The following TANC1 variants were observed in gnomAD, a reference collection of about 807,000 sequenced individuals.
TANC1 encodes the protein protein TANC1.
TANC1 carries 77 observed loss-of-function variants against 149.7 expected under a neutral mutation model. The observed-to-expected ratio is 0.51, with a 90% CI of 0.43 to 0.62. TANC1 has a LOEUF of 0.62. Among genes scored for constraint, TANC1 ranks in the 20% least tolerant of loss-of-function variants. The pLI is 0.00. For synonymous variants in TANC1, 854 were observed against 925.0 expected, an observed-to-expected ratio of 0.92 and a Z score of 1.39; for missense variants, 1,985 against 2,321.8, an observed-to-expected ratio of 0.85 and a Z score of 2.98.
chr2:159,213,682 G>A (rs1559470637), intron 19 of TANC1, among the ~76,000 whole-genome samples: 1 of 152,102 alleles, frequency 6.6e-6, no homozygotes, highest in Non-Finnish European at 1.5e-5. Flanking sequence ...CAGTGATGCA[G>A]ATGGCAATAT....
At chr2:159,142,697 TG>T (rs1453451400) in intron 5 of TANC1, among the ~76,000 whole-genome samples, 1 of 151,666 alleles carries the variant, frequency 6.6e-6, no homozygotes, top group East Asian at 1.9e-4. Context: ...TGACAACCCA[TG>T]GTTATTCTGA....
intron 3 of TANC1, among the ~76,000 whole-genome samples, chr2:159,069,610 T>A (rs968636960): frequency 2.6e-5 from 4 of 152,096 alleles, no homozygotes; most frequent in African/African-American, 9.7e-5. Context: ...TGATATTAAA[T>A]CTGGACCTAG....
chr2:159,184,161 G>A (rs1389499429), intron 14 of TANC1, among the ~76,000 whole-genome samples: 1 of 152,232 alleles, frequency 6.6e-6, no homozygotes, highest in Non-Finnish European at 1.5e-5. Flanking sequence ...GGGGGTCATA[G>A]TACTTAGTCA....
At chr2:159,177,588 G>T (rs2056010683) in intron 13 of TANC1, among the ~76,000 whole-genome samples, 1 of 152,116 alleles carries the variant, frequency 6.6e-6, no homozygotes, top group Non-Finnish European at 1.5e-5. Flanking sequence ...TAGATCATAG[G>T]AACCAGGAAT....
chr2:159,165,196 CT>C (rs2054463791), intron 8 of TANC1, among the ~76,000 whole-genome samples: 1 of 152,176 alleles, frequency 6.6e-6, no homozygotes, highest in South Asian at 2.1e-4. Context: ...GCTCGATGTT[CT>C]TTATGGGTCT....
At chr2:159,078,283 CTGTT>C (rs1428847968) in intron 3 of TANC1, among the ~76,000 whole-genome samples, 3 of 152,188 alleles carry the variant, frequency 2.0e-5, no homozygotes, top group Non-Finnish European at 2.9e-5. Context: ...TCTCTCCTAC[CTGTT>C]TGTTTACCTA....
chr2:159,143,079 C>CAAAA (rs57371944), intron 5 of TANC1, among the ~76,000 whole-genome samples: 35,430 of 133,620 alleles, frequency 0.27, 5,833 homozygotes, highest in Non-Finnish European at 0.34. Context: ...AAAAAAAAAA[C>CAAAA]AACAAAACAA....
In TANC1 at chr2:159,224,457, A is replaced by G. The variant is rs546785271; in HGVS notation, c.3811+93A>G. 70 of 1,432,556 alleles carry G rather than the reference A, an allele frequency of 4.9e-5. No homozygotes were observed. The African/African-American group carries it at 8.0e-4, about 16-fold the overall frequency. The allele number at this position is 1,432,556 out of a possible 1,614,324, so 88.7% of individuals were successfully genotyped here. ...ACAGAGAGTGACCTGCTCCCAGGTT[A>G]GGAAGTAAGATGTCAGATGTTTGCA... On this transcript the variant is annotated intron_variant, in intron 23 of 26. Coordinates refer to ENST00000263635, the MANE Select transcript of TANC1 (RefSeq NM_033394.3).
At chr2:159,159,101 G>A (rs1419532163) in intron 7 of TANC1, among the ~76,000 whole-genome samples, 1 of 152,142 alleles carries the variant, frequency 6.6e-6, no homozygotes, top group Admixed American at 6.5e-5. Flanking sequence ...ATAGGGCCCT[G>A]GACCGACACT....
chr2:159,093,274 A>C (rs2045737088), intron 3 of TANC1, among the ~76,000 whole-genome samples: 1 of 152,246 alleles, frequency 6.6e-6, no homozygotes, highest in Non-Finnish European at 1.5e-5. Context: ...GTTAAAAGAA[A>C]ACAGTATCTA....
At chr2:159,162,598 C>T (rs1159708484) in intron 7 of TANC1, among the ~76,000 whole-genome samples, 1 of 152,154 alleles carries the variant, frequency 6.6e-6, no homozygotes, top group Non-Finnish European at 1.5e-5. Flanking sequence ...TACCTTTTTT[C>T]TGTGCTGGTT....
At chr2:159,228,114 T>C in intron 25 of TANC1, 149 bp downstream of exon 25, 2 of 822,970 alleles carry the variant, frequency 2.4e-6, no homozygotes, top group South Asian at 3.5e-5. Context: ...GGGAAACAGC[T>C]CCTATCCGTG....
At chr2:159,093,191 C>G (rs940569751) in intron 3 of TANC1, among the ~76,000 whole-genome samples, 1 of 152,230 alleles carries the variant, frequency 6.6e-6, no homozygotes, top group Non-Finnish European at 1.5e-5. Flanking sequence ...GCATTTCTGC[C>G]TGCAGTAACA....
intron 1 of TANC1, among the ~76,000 whole-genome samples, chr2:158,985,690 C>G (rs981603226): frequency 6.6e-6 from 1 of 152,072 alleles, no homozygotes; most frequent in Admixed American, 6.6e-5. Context: ...GTTGCCCAGG[C>G]TGGAGTGCAG....
chr2:159,188,185 G>A (rs190377230), intron 16 of TANC1, among the ~76,000 whole-genome samples: 13 of 152,284 alleles, frequency 8.5e-5, no homozygotes, highest in Non-Finnish European at 1.5e-4. Context: ...GGGGGAAAAC[G>A]GTTTTCACAG....
intron 1 of TANC1, among the ~76,000 whole-genome samples, chr2:158,974,801 T>A (rs887486233): frequency 1.3e-5 from 2 of 152,100 alleles, no homozygotes; most frequent in African/African-American, 4.8e-5. Flanking sequence ...GGTGTGATCA[T>A]GGCTCACTGC....
At chr2:159,175,294 A>G (rs2055724048) in intron 12 of TANC1, 110 bp downstream of exon 12, 1 of 826,956 alleles carries the variant, frequency 1.2e-6, no homozygotes, top group South Asian at 1.6e-5. Flanking sequence ...GAGGTGGAGC[A>G]TGGAGAGGAT....
chr2:159,113,491 G>A (rs2047957045), intron 4 of TANC1, among the ~76,000 whole-genome samples: 1 of 152,194 alleles, frequency 6.6e-6, no homozygotes, highest in Non-Finnish European at 1.5e-5. Flanking sequence ...TGAGAGGATT[G>A]GAAGGAATGT....
chr2:159,034,650 T>C (rs1419342205), intron 2 of TANC1, among the ~76,000 whole-genome samples: 2 of 152,204 alleles, frequency 1.3e-5, no homozygotes, highest in East Asian at 1.9e-4. Context: ...TGGAAATTGG[T>C]ATGTTTTAAT....
Sources: gnomAD v4.1 joint callset for allele counts (sites outside exome capture counted in the v4.1 genomes callset) on GRCh38, gnomAD v4.1.1 for gene constraint, MANE v1.5 for transcripts, NCBI Gene and HGNC (gene_info 2026-07-23, HGNC 2026-07-21) for gene names.